The following GPHN variants were observed in gnomAD, a reference collection of about 807,000 sequenced individuals.
GPHN encodes gephyrin.
In GPHN, 17 loss-of-function variants were observed where a neutral mutation model predicts 95.5. That is an observed-to-expected ratio of 0.18 (90% CI 0.12 to 0.27). GPHN has a LOEUF of 0.27. Ranked by LOEUF, GPHN falls within the 10% of genes least tolerant of loss-of-function variation. The pLI is 1.00. For synonymous variants in GPHN, 320 were observed against 322.5 expected, an observed-to-expected ratio of 0.99 and a Z score of 0.08; for missense variants, 660 against 978.1, an observed-to-expected ratio of 0.67 and a Z score of 4.34.
At position 66,722,902 on chromosome 14, in the gene GPHN, TTC is replaced by T. The variant is rs1344312194; in HGVS notation, c.143+41721_143+41722del. On this transcript the variant is annotated intron_variant, in intron 2 of 22. Coordinates refer to ENST00000478722, the MANE Select transcript of GPHN (RefSeq NM_020806.5). The stretch of plus-strand genomic sequence containing the variant: ...TATTCAGTTTTTGTCCTGTTCTTTT[TTC>T]TCTTTCTCTTTGGCACAACCAGTCA... Among the ~76,000 whole-genome samples, 52 of 152,338 alleles carry T rather than the reference TTC, an allele frequency of 3.4e-4. 1 individual carries two copies. Among genetic ancestry groups the T allele is most frequent in the African/African-American group, 1.3e-3 (52 of 41,584 alleles).
At position 66,957,930 on chromosome 14, in the gene GPHN, C is replaced by T. The variant is rs141629715; in HGVS notation, c.829-7261C>T. On this transcript the variant is annotated intron_variant, in intron 8 of 22. Transcript: ENST00000478722. Reference sequence around the variant, plus strand: ...TTGTGTGCTCCTTATGAGAATTTAACTAATCCCTGATGATCTGAGGTGGAA... The same window carrying T: ...TTGTGTGCTCCTTATGAGAATTTAATTAATCCCTGATGATCTGAGGTGGAA... Among the ~76,000 whole-genome samples, 11 of 151,622 alleles carry T rather than the reference C, an allele frequency of 7.3e-5. No homozygotes were observed. In the East Asian group the frequency reaches 2.1e-3, roughly 29 times the overall value.
chr14:66,732,327 C>CA (rs1247819636), intron 2 of GPHN, among the ~76,000 whole-genome samples: 1 of 152,228 alleles, frequency 6.6e-6, no homozygotes, highest in African/African-American at 2.4e-5. Flanking sequence ...TGTGGGAGCC[C>CA]ACCCATTGCA....
the GPHN span, among the ~76,000 whole-genome samples, chr14:67,661,468 T>G: frequency 6.6e-5 from 10 of 151,068 alleles, no homozygotes; most frequent in Non-Finnish European, 1.5e-4. Context: ...GAAAGGGACA[T>G]GGTTAGAATT....
the GPHN span, among the ~76,000 whole-genome samples, chr14:67,704,916 G>A: frequency 6.6e-6 from 1 of 152,164 alleles, no homozygotes; most frequent in African/African-American, 2.4e-5. Context: ...CACTCAGCAG[G>A]GGCATCTAAG....
At chr14:67,557,221 C>T in the GPHN span, 10 of 1,570,820 alleles carry the variant, frequency 6.4e-6, no homozygotes, top group South Asian at 1.0e-4. Context: ...CCACTGCACA[C>T]CCCGTGTGAG....
the GPHN span, chr14:67,384,551 G>GTAT: frequency 9.9e-5 from 15 of 152,082 alleles, no homozygotes; most frequent in African/African-American, 3.4e-4. Context: ...GGTACCAGTT[G>GTAT]TATTTAATTT....
intron 2 of GPHN, chr14:66,760,837 T>C: frequency 3.5e-6 from 2 of 572,606 alleles, no homozygotes; most frequent in Non-Finnish European, 6.6e-6. Context: ...CAAGCAGAAA[T>C]GCCAAGCGAA....
At chr14:67,099,506 A>G (rs1396608817) in intron 12 of GPHN, among the ~76,000 whole-genome samples, 2 of 151,904 alleles carry the variant, frequency 1.3e-5, no homozygotes, top group Admixed American at 1.3e-4. Flanking sequence ...ACTCTTCTAT[A>G]ATACTTTTTA....
intron 1 of GPHN, among the ~76,000 whole-genome samples, chr14:66,667,174 A>C (rs146345044): frequency 1.2e-3 from 189 of 152,350 alleles, no homozygotes; most frequent in African/African-American, 4.2e-3. Context: ...ATGCTCATGG[A>C]TAGGAAGAAT....
intron 4 of GPHN, among the ~76,000 whole-genome samples, chr14:66,872,811 C>T (rs1210596370): frequency 6.6e-6 from 1 of 151,494 alleles, no homozygotes; most frequent in Non-Finnish European, 1.5e-5. Context: ...AGGAGAAACA[C>T]TTGAACCCGG....
intron 1 of GPHN, among the ~76,000 whole-genome samples, chr14:66,566,781 T>C (rs2060477951): frequency 6.6e-6 from 1 of 152,188 alleles, no homozygotes; most frequent in Non-Finnish European, 1.5e-5. Context: ...CATCACAGTT[T>C]GGGGCAAATC....
At chr14:67,430,851 AG>A in the GPHN span, among the ~76,000 whole-genome samples, 1 of 152,208 alleles carries the variant, frequency 6.6e-6, no homozygotes, top group Non-Finnish European at 1.5e-5. Flanking sequence ...TGATCAAAGC[AG>A]TCCCTTCCTG....
intron 21 of GPHN, 116 bp from the exon 22 acceptor site, chr14:67,179,462 G>A: frequency 1.4e-6 from 1 of 715,258 alleles, no homozygotes; most frequent in Non-Finnish European, 2.6e-6. Flanking sequence ...AGCAACGACA[G>A]AATACCAAGG....
At chr14:67,190,219 GTTCTT>G in the GPHN span, among the ~76,000 whole-genome samples, 1 of 122,102 alleles carries the variant, frequency 8.2e-6, no homozygotes, top group Non-Finnish European at 1.6e-5. Flanking sequence ...CCAGCCTTTT[GTTCTT>G]TTCTTTTTTT....
intron 19 of GPHN, among the ~76,000 whole-genome samples, chr14:67,163,752 A>G (rs950772822): frequency 2.0e-5 from 3 of 152,172 alleles, no homozygotes; most frequent in African/African-American, 7.2e-5. Flanking sequence ...TTAATATTTC[A>G]TCTGTATGAA....
chr14:67,327,456 G>C, the GPHN span, among the ~76,000 whole-genome samples: 4 of 151,390 alleles, frequency 2.6e-5, no homozygotes, highest in Admixed American at 1.3e-4. Context: ...TCCGGGGTGT[G>C]GGGGGAAGGT....
the GPHN span, chr14:67,695,722 C>A: frequency 4.3e-6 from 7 of 1,613,262 alleles, no homozygotes; most frequent in African/African-American, 5.3e-5. Flanking sequence ...GCTGCAGCGG[C>A]ACCAGAGCGG....
At chr14:67,382,293 A>G in the GPHN span, 2 of 547,094 alleles carry the variant, frequency 3.7e-6, no homozygotes, top group Admixed American at 3.8e-5. Flanking sequence ...CGTAATTGCC[A>G]ATTCTGTAGG....
At chr14:66,584,691 T>A (rs2061346856) in intron 1 of GPHN, among the ~76,000 whole-genome samples, 1 of 152,186 alleles carries the variant, frequency 6.6e-6, no homozygotes, top group Non-Finnish European at 1.5e-5. Context: ...GGATTACATT[T>A]ATTGATTTTC....
Sources: allele counts gnomAD v4.1 joint callset (sites outside exome capture counted in the v4.1 genomes callset), GRCh38; gene constraint gnomAD v4.1.1; transcripts MANE v1.5; gene names NCBI Gene and HGNC (gene_info 2026-07-23, HGNC 2026-07-21).